Variants in TRAPPC8 observed in about 807,000 individuals in gnomAD.
TRAPPC8 encodes the protein general sporulation gene 1 homolog.
In TRAPPC8, 54 loss-of-function variants were observed where a neutral mutation model predicts 174.3. The ratio of observed to expected loss-of-function variants is 0.31; its 90% CI spans 0.25 to 0.39. The LOEUF is 0.39. Ranked by LOEUF, TRAPPC8 falls within the 10% of genes least tolerant of loss-of-function variation. The pLI is 1.00. For missense variants in TRAPPC8, 1,531 were observed against 1,699.1 expected, an observed-to-expected ratio of 0.90 and a Z score of 1.74; for synonymous variants, 630 against 579.9, an observed-to-expected ratio of 1.09 and a Z score of -1.24.
chr18:31,864,132 AAAT>A (rs1304300655), intron 19 of TRAPPC8, among the ~76,000 whole-genome samples: 11 of 150,468 alleles, frequency 7.3e-5, no homozygotes, highest in Non-Finnish European at 1.6e-4. Flanking sequence ...TCCTTCAACT[AAAT>A]AATACATTTC....
In TRAPPC8 at chr18:31,871,049, C is replaced by T. The variant is rs374586918; in HGVS notation, c.2134G>A (p.Glu712Lys). 138 of 1,611,508 alleles carry T rather than the reference C, an allele frequency of 8.6e-5. No homozygotes were observed. In the East Asian group the frequency reaches 1.3e-3, roughly 15 times the overall value. The change falls in exon 15 of 29, where the codon GAA becomes AAA. Residue 712 changes from glutamate to lysine, a missense_variant. Glu to Lys is a moderately conservative substitution (Grantham distance 56, BLOSUM62 1). Coordinates refer to ENST00000283351, the MANE Select transcript of TRAPPC8 (RefSeq NM_014939.5). ...YDSESSQQWR[E>K]LEEQVVSVVN... ...ACAGAAACAACTTGTTCCTCAAGTT[C>T]TCGCCACTGCTGAGAGGATTCAGAA...
intron 20 of TRAPPC8, among the ~76,000 whole-genome samples, chr18:31,856,539 T>C (rs1015326300): frequency 2.6e-5 from 4 of 152,126 alleles, no homozygotes; most frequent in Non-Finnish European, 2.9e-5. Context: ...CTTCTAATAG[T>C]GGTTCTGAAG....
chr18:31,835,759 C>G (rs1281209638), intron 27 of TRAPPC8, among the ~76,000 whole-genome samples: 1 of 152,168 alleles, frequency 6.6e-6, no homozygotes. Flanking sequence ...GTGAATCATC[C>G]TTGTTGATAT....
At chr18:31,933,064 G>A (rs1273483179) in intron 1 of TRAPPC8, among the ~76,000 whole-genome samples, 1 of 148,844 alleles carries the variant, frequency 6.7e-6, no homozygotes, top group Non-Finnish European at 1.5e-5. Context: ...CACTTTGGGA[G>A]GCCAAGGCGG....
At chr18:31,850,099 G>A (rs553815228) in intron 24 of TRAPPC8, among the ~76,000 whole-genome samples, 14 of 152,036 alleles carry the variant, frequency 9.2e-5, no homozygotes, top group African/African-American at 2.9e-4. Context: ...TTACAGGTGC[G>A]TGCCACCACT....
chr18:31,870,622 T>A, intron 15 of TRAPPC8, 120 bp from the exon 16 acceptor site: 2 of 1,115,310 alleles, frequency 1.8e-6, no homozygotes, highest in Admixed American at 4.8e-5. Flanking sequence ...CTGTCCTTTA[T>A]TACCTTATAA....
intron 22 of TRAPPC8, among the ~76,000 whole-genome samples, chr18:31,853,056 T>G (rs1396590437): frequency 6.6e-6 from 1 of 152,222 alleles, no homozygotes; most frequent in Non-Finnish European, 1.5e-5. Flanking sequence ...CTCTGCTATA[T>G]GTTTTCCCAT....
chr18:31,898,609 T>C (rs1263610707), intron 10 of TRAPPC8, among the ~76,000 whole-genome samples: 1 of 152,242 alleles, frequency 6.6e-6, no homozygotes, highest in Non-Finnish European at 1.5e-5. Flanking sequence ...TATTTAGGTA[T>C]TTTCCCCCTG....
intron 9 of TRAPPC8, 91 bp downstream of exon 9, chr18:31,907,369 T>A (rs1381552539): frequency 4.6e-6 from 6 of 1,295,504 alleles, no homozygotes; most frequent in Middle Eastern, 2.7e-4. Flanking sequence ...AGTACAACTT[T>A]ATCCCTAAGG....
chr18:31,909,591 CTA>C, intron 6 of TRAPPC8, 74 bp downstream of exon 6: 1 of 1,520,256 alleles, frequency 6.6e-7, no homozygotes, highest in East Asian at 2.4e-5. Context: ...CATCTTTTAT[CTA>C]TAAAGGTTAG....
At chr18:31,929,569 G>A (rs2037764807) in intron 2 of TRAPPC8, among the ~76,000 whole-genome samples, 2 of 152,180 alleles carry the variant, frequency 1.3e-5, no homozygotes, top group South Asian at 2.1e-4. Context: ...GTAGGCTGAG[G>A]TGAGAGGATC....
chr18:31,853,919 G>A lies in TRAPPC8; in HGVS notation c.3363C>T (p.His1121=), dbSNP rs759030171. The change falls in exon 22 of 29, where the codon CAC becomes CAT. Residue 1121 remains histidine (H), a synonymous_variant. Coordinates refer to ENST00000283351, the MANE Select transcript of TRAPPC8 (RefSeq NM_014939.5). ...TGCTACTACTTGATACTTGCACTAT[G>A]TGGAATTCCTTAACGCCTGCTTCAC... ...NTSEAGVKEF[H]IVQVSSSSKH... The A allele has an allele frequency of 3.7e-6, 6 of 1,610,618 alleles. No individual in the cohort carries two copies. The highest frequency in any genetic ancestry group is 1.3e-5 in the African/African-American group (1 of 74,700).
intron 11 of TRAPPC8, among the ~76,000 whole-genome samples, chr18:31,893,380 G>GGTGTGTGTGT (rs10660521): frequency 1.3e-5 from 2 of 149,644 alleles, no homozygotes; most frequent in African/African-American, 5.0e-5. Context: ...TTTGCTTCTA[G>GGTGTGTGTGT]GTGTGTGTGT....
Position 31,935,548 on chromosome 18 carries a change from T to TGAAAAAAAA in TRAPPC8, c.158-4026_158-4025insTTTTTTTTC, listed in dbSNP as rs745488703. Among the ~76,000 whole-genome samples, 51 of 46,268 alleles carry TGAAAAAAAA rather than the reference T, an allele frequency of 1.1e-3. 15 individuals are homozygous for TGAAAAAAAA. Among genetic ancestry groups the TGAAAAAAAA allele is most frequent in the African/African-American group, 1.9e-3 (17 of 9,036 alleles). The allele number at this position is 46,268 out of a possible 152,430, so 30.4% of individuals were successfully genotyped here. The stretch of plus-strand genomic sequence containing the variant: ...GGGCAACAAGAGCGAAACTCCATCT[T>TGAAAAAAAA]AAAAAAAAAAAAAAAAAAAAGCAGG... On this transcript the variant is annotated intron_variant, in intron 1 of 28. Coordinates refer to ENST00000283351, the MANE Select transcript of TRAPPC8 (RefSeq NM_014939.5).
At chr18:31,882,744 G>A in intron 12 of TRAPPC8, among the ~76,000 whole-genome samples, 1 of 151,674 alleles carries the variant, frequency 6.6e-6, no homozygotes, top group East Asian at 2.0e-4. Flanking sequence ...AGCCTCCCAA[G>A]TAGCTGGGAT....
intron 27 of TRAPPC8, among the ~76,000 whole-genome samples, chr18:31,834,308 C>G (rs2032579016): frequency 6.6e-6 from 1 of 152,034 alleles, no homozygotes; most frequent in Non-Finnish European, 1.5e-5. Context: ...TGGGGTTTCA[C>G]CATGTTGACT....
At chr18:31,928,271 C>T (rs770147600) in intron 2 of TRAPPC8, among the ~76,000 whole-genome samples, 3 of 151,282 alleles carry the variant, frequency 2.0e-5, no homozygotes, top group Non-Finnish European at 3.0e-5. Flanking sequence ...GGCCAAGGTA[C>T]GAGGATCGCT....
intron 1 of TRAPPC8, among the ~76,000 whole-genome samples, chr18:31,941,593 TC>T (rs2038348176): frequency 6.6e-6 from 1 of 152,068 alleles, no homozygotes; most frequent in African/African-American, 2.4e-5. Context: ...TTTGGACAGC[TC>T]CCTCTCTCCG....
chr18:31,837,967 TAAAAAA>T (rs35815014), intron 27 of TRAPPC8, among the ~76,000 whole-genome samples: 3 of 129,044 alleles, frequency 2.3e-5, no homozygotes, highest in African/African-American at 8.6e-5. Flanking sequence ...AAAAATCACT[TAAAAAA>T]AAAAAAAAAA....
Sources: allele counts gnomAD v4.1 joint callset (sites outside exome capture counted in the v4.1 genomes callset), GRCh38; gene constraint gnomAD v4.1.1; transcripts MANE v1.5; gene names NCBI Gene and HGNC (gene_info 2026-07-23, HGNC 2026-07-21).